SYNGR1: variants seen among roughly 807,000 people sequenced by gnomAD.
The protein encoded by SYNGR1 is synaptogyrin-1.
SYNGR1 carries 14 observed loss-of-function variants against 26.1 expected under a neutral mutation model. That is an observed-to-expected ratio of 0.54 (90% CI 0.35 to 0.84). The LOEUF (loss-of-function observed/expected upper bound fraction) is 0.84. SYNGR1 is among the 40% of genes least tolerant of loss of function. The probability of loss-of-function intolerance (pLI) is 0.01; values close to 1 mark genes in which losing one functional copy is unlikely to be tolerated. For missense variants in SYNGR1, 319 were observed against 332.9 expected (o/e 0.96, Z 0.33); for synonymous variants, 141 against 150.1 (o/e 0.94, Z 0.44).
intron 1 of SYNGR1, among the ~76,000 whole-genome samples, chr22:39,368,048 C>T (rs1488194951): frequency 1.3e-5 from 2 of 152,166 alleles, no homozygotes; most frequent in Non-Finnish European, 1.5e-5. Flanking sequence ...TGTCTCCAAT[C>T]GGAGGCCCTG....
chr22:39,384,823 T>C lies in SYNGR1; in HGVS notation c.*2909T>C. 2.5e-6 allele frequency: 1 copy of C among 397,890 alleles called. No homozygotes were observed. The highest frequency in any genetic ancestry group is 4.4e-6 in the Non-Finnish European group (1 of 225,812). The allele number at this position is 397,890 out of a possible 1,614,324, so 24.6% of individuals were successfully genotyped here. On this transcript the variant is annotated 3_prime_UTR_variant, in exon 4 of 4. Transcript: ENST00000328933. The stretch of plus-strand genomic sequence containing the variant: ...TGTAGAGTCGCAAGGACGCTTAGAG[T>C]CGGCAGAGTCTGGGGTAGGGAGACA...
Position 39,350,480 on chromosome 22 carries a change from A to T in SYNGR1, c.99+371A>T, listed in dbSNP as rs1923852986. Among the ~76,000 whole-genome samples the T allele has an allele frequency of 6.6e-6, 1 of 151,586 alleles. No homozygotes were observed. Among genetic ancestry groups the T allele is most frequent in the South Asian group, 2.1e-4 (1 of 4,806 alleles). ...GACTGGGGACCGTGGGGACGGAGCC[A>T]GGGTTTAAGGTGGCCTTTTTTGGGG... On this transcript the variant is annotated intron_variant, in intron 1 of 3. Transcript: ENST00000328933. This position sits in a 1 kb window ranked among gnomAD's most constrained non-coding sequence, Gnocchi z 4.3.
intron 2 of SYNGR1, 131 bp from the exon 3 acceptor site, chr22:39,375,921 T>G: frequency 2.4e-6 from 3 of 1,256,452 alleles, no homozygotes; most frequent in Non-Finnish European, 1.2e-6. Flanking sequence ...GCCTGTCCCT[T>G]TGGGGGTGGG....
At chr22:39,367,594 G>T (rs537180057) in intron 1 of SYNGR1, among the ~76,000 whole-genome samples, 5 of 152,010 alleles carry the variant, frequency 3.3e-5, no homozygotes, top group African/African-American at 1.2e-4. Flanking sequence ...AGGCCGAGGC[G>T]GGCAAATCAC....
At chr22:39,381,552 T>A in intron 3 of SYNGR1, 144 bp from the exon 4 acceptor site, 1 of 805,990 alleles carries the variant, frequency 1.2e-6, no homozygotes, top group South Asian at 1.6e-5. Context: ...CCAAGCTTGG[T>A]CTCATGTTTG....
intron 3 of SYNGR1, among the ~76,000 whole-genome samples, chr22:39,376,463 A>AC (rs60010643): frequency 0.014 from 2,027 of 147,858 alleles, 42 homozygotes; most frequent in African/African-American, 0.045. Flanking sequence ...GTCACGGACC[A>AC]CCCCCCCCCC....
intron 1 of SYNGR1, among the ~76,000 whole-genome samples, chr22:39,370,782 T>A (rs915603403): frequency 6.6e-6 from 1 of 152,142 alleles, no homozygotes; most frequent in African/African-American, 2.4e-5. Context: ...CACGCCCAGC[T>A]AATTTTTTGT....
chr22:39,377,084 C>T (rs1262550047), intron 3 of SYNGR1: 3 of 1,550,010 alleles, frequency 1.9e-6, no homozygotes, highest in Non-Finnish European at 2.6e-6. Context: ...GCTGCCTCCC[C>T]TCTGGACCGG....
chr22:39,352,615 CG>C (rs768544794), intron 1 of SYNGR1, among the ~76,000 whole-genome samples: 1 of 152,072 alleles, frequency 6.6e-6, no homozygotes, highest in Non-Finnish European at 1.5e-5. Flanking sequence ...TCAGGAGCTG[CG>C]GGGGATGCAG....
chr22:39,366,528 C>A (rs1482167336), intron 1 of SYNGR1, among the ~76,000 whole-genome samples: 20 of 152,060 alleles, frequency 1.3e-4, no homozygotes, highest in Non-Finnish European at 7.4e-5. Flanking sequence ...CGGCTATAAT[C>A]CCAGCTACTC....
At chr22:39,367,253 G>T (rs985960143) in intron 1 of SYNGR1, among the ~76,000 whole-genome samples, 2 of 152,196 alleles carry the variant, frequency 1.3e-5, no homozygotes, top group Non-Finnish European at 2.9e-5. Context: ...TTGAGTGAAC[G>T]AACGGCTGAT....
intron 1 of SYNGR1, among the ~76,000 whole-genome samples, chr22:39,358,500 A>G (rs969587249): frequency 1.3e-5 from 2 of 152,174 alleles, no homozygotes; most frequent in Non-Finnish European, 2.9e-5. Context: ...CTCACCGCGA[A>G]GGTCTGCAGC....
At chr22:39,365,454 G>C (rs1325994956) in intron 1 of SYNGR1, among the ~76,000 whole-genome samples, 1 of 152,160 alleles carries the variant, frequency 6.6e-6, no homozygotes, top group Admixed American at 6.5e-5. Flanking sequence ...GTGGAGTGAA[G>C]AGCATACATT....
chr22:39,375,600 T>C (rs1168161370), intron 2 of SYNGR1: 1 of 392,492 alleles, frequency 2.5e-6, no homozygotes, highest in Non-Finnish European at 4.6e-6. Context: ...CCATACCTCA[T>C]TTGTCTGGCA....
intron 2 of SYNGR1, chr22:39,375,603 G>T: frequency 2.4e-6 from 1 of 415,000 alleles, no homozygotes; most frequent in Non-Finnish European, 4.3e-6. Flanking sequence ...TACCTCATTT[G>T]TCTGGCAGCC....
intron 1 of SYNGR1, chr22:39,364,271 GCTGGAGGA>G: frequency 6.2e-7 from 1 of 1,614,104 alleles, no homozygotes; most frequent in Non-Finnish European, 8.5e-7. Flanking sequence ...TCGTGGGTGA[GCTGGAGGA>G]GCAGGCCCGG....
At chr22:39,362,721 C>T (rs1924539612) in intron 1 of SYNGR1, among the ~76,000 whole-genome samples, 1 of 152,112 alleles carries the variant, frequency 6.6e-6, no homozygotes, top group Non-Finnish European at 1.5e-5. Flanking sequence ...GGGGAGAGGG[C>T]TCGGCAGCCC....
chr22:39,378,078 C>T (rs1191420697), intron 3 of SYNGR1: 1 of 1,183,050 alleles, frequency 8.5e-7, no homozygotes, highest in Non-Finnish European at 1.1e-6. Context: ...CGTTCATGGT[C>T]CCCATTGCTG....
chr22:39,378,514 T>C, intron 3 of SYNGR1: 1 of 973,396 alleles, frequency 1.0e-6, no homozygotes, highest in South Asian at 4.8e-5. Context: ...ACAGGTTTCC[T>C]GCTTGAGGCC....
Sources: gnomAD v4.1 joint callset for allele counts (sites outside exome capture counted in the v4.1 genomes callset) on GRCh38, gnomAD v4.1.1 for gene constraint, Gnocchi (gnomAD v3.1) non-coding constraint, MANE v1.5 for transcripts, NCBI Gene and HGNC (gene_info 2026-07-23, HGNC 2026-07-21) for gene names.